The following MAF variants were observed in gnomAD, a reference collection of about 807,000 sequenced individuals.
MAF encodes the protein transcription factor Maf.
Under a neutral mutation model 22.0 loss-of-function variants are expected in MAF, and 10 were observed. The ratio of observed to expected loss-of-function variants is 0.45; its 90% confidence interval spans 0.28 to 0.77. The LOEUF (loss-of-function observed/expected upper bound fraction) is 0.77. MAF is among the 30% of genes least tolerant of loss of function. The pLI, the probability that MAF is intolerant of heterozygous loss-of-function variation, is 0.12. For missense variants in MAF, 544 were observed against 548.4 expected (o/e 0.99, Z 0.08); for synonymous variants, 337 against 255.8 (o/e 1.32, Z -3.03).
At chr16:79,404,050 G>T in the MAF span, among the ~76,000 whole-genome samples, 12 of 152,140 alleles carry the variant, frequency 7.9e-5, no homozygotes, top group East Asian at 2.3e-3. Context: ...AGAATTTGAA[G>T]AAACCCTGTG....
chr16:79,381,946 C>G, the MAF span, among the ~76,000 whole-genome samples: 2 of 152,138 alleles, frequency 1.3e-5, no homozygotes, highest in Admixed American at 1.3e-4. Flanking sequence ...GGCTCAACAG[C>G]CCCCTTTTCC....
chr16:79,472,380 C>A, the MAF span, among the ~76,000 whole-genome samples: 2 of 152,154 alleles, frequency 1.3e-5, no homozygotes, highest in African/African-American at 2.4e-5. Flanking sequence ...GAATGTCCAT[C>A]AACTACTAAA....
chr16:79,278,775 G>A, the MAF span, among the ~76,000 whole-genome samples: 1 of 152,148 alleles, frequency 6.6e-6, no homozygotes, highest in African/African-American at 2.4e-5. Context: ...CTGACAGGGG[G>A]ACAGGAGATG....
chr16:79,327,843 G>A, the MAF span, among the ~76,000 whole-genome samples: 2 of 152,164 alleles, frequency 1.3e-5, no homozygotes, highest in Non-Finnish European at 2.9e-5. Flanking sequence ...ACAGGCATTT[G>A]CAATAACATT....
At chr16:79,580,395 G>C in the MAF span, among the ~76,000 whole-genome samples, 1 of 152,210 alleles carries the variant, frequency 6.6e-6, no homozygotes, top group African/African-American at 2.4e-5. Context: ...ATGCTGACTA[G>C]AATGCCTAGG....
chr16:79,243,239 T>TA, the MAF span, among the ~76,000 whole-genome samples: 15 of 151,726 alleles, frequency 9.9e-5, no homozygotes, highest in South Asian at 1.5e-3. Flanking sequence ...AAAAAACCCT[T>TA]AAAAAAAATC....
chr16:79,562,366 A>G, the MAF span, among the ~76,000 whole-genome samples: 2 of 152,316 alleles, frequency 1.3e-5, no homozygotes, highest in Non-Finnish European at 2.9e-5. Flanking sequence ...TTCTTCATAG[A>G]TGATGTGACC....
At chr16:79,525,687 GT>G in the MAF span, among the ~76,000 whole-genome samples, 1,628 of 152,252 alleles carry the variant, frequency 0.011, 17 homozygotes, top group Non-Finnish European at 0.018. Context: ...CACACCTGGT[GT>G]TTAAAGCCTG....
chr16:79,348,929 G>T, the MAF span, among the ~76,000 whole-genome samples: 1 of 152,166 alleles, frequency 6.6e-6, no homozygotes, highest in Non-Finnish European at 1.5e-5. Context: ...CAAGGCCCTA[G>T]ATCTGGTGAA....
the MAF span, among the ~76,000 whole-genome samples, chr16:79,476,214 G>T: frequency 6.6e-6 from 1 of 152,284 alleles, no homozygotes; most frequent in Middle Eastern, 3.4e-3. Context: ...TGGAGCCAGA[G>T]ATGAGACCCT....
the MAF span, among the ~76,000 whole-genome samples, chr16:79,290,340 C>T: frequency 6.2e-3 from 946 of 152,296 alleles, 3 homozygotes; most frequent in Admixed American, 0.014. Flanking sequence ...ATCATACGGG[C>T]TCTGCGGCAA....
the MAF span, among the ~76,000 whole-genome samples, chr16:79,338,155 A>G: frequency 1.3e-5 from 2 of 152,198 alleles, no homozygotes; most frequent in African/African-American, 4.8e-5. Context: ...TTGCAATCAC[A>G]GTTTGCAACA....
the MAF span, among the ~76,000 whole-genome samples, chr16:79,367,477 C>G: frequency 6.6e-6 from 1 of 152,122 alleles, no homozygotes; most frequent in Non-Finnish European, 1.5e-5. Context: ...GCTTTGAATC[C>G]AAGACATGAC....
the MAF span, among the ~76,000 whole-genome samples, chr16:79,425,513 A>G: frequency 6.6e-6 from 1 of 152,182 alleles, no homozygotes; most frequent in South Asian, 2.1e-4. Context: ...AGTTGAATAA[A>G]GTTCTTCTTT....
chr16:79,278,430 G>T, the MAF span, among the ~76,000 whole-genome samples: 1 of 152,128 alleles, frequency 6.6e-6, no homozygotes, highest in African/African-American at 2.4e-5. Context: ...AACAAACAAG[G>T]TCTCTTCCCA....
the MAF span, among the ~76,000 whole-genome samples, chr16:79,243,679 C>T: frequency 1.3e-5 from 2 of 151,964 alleles, no homozygotes; most frequent in African/African-American, 4.8e-5. Context: ...CTATTTCAAA[C>T]AACAGAAAAA....
At chr16:79,304,645 G>A in the MAF span, among the ~76,000 whole-genome samples, 1 of 152,126 alleles carries the variant, frequency 6.6e-6, no homozygotes, top group African/African-American at 2.4e-5. Context: ...AAAAATGGTG[G>A]TGGGAGTTCT....
the MAF span, among the ~76,000 whole-genome samples, chr16:79,536,805 A>C: frequency 6.6e-6 from 1 of 152,212 alleles, no homozygotes; most frequent in Non-Finnish European, 1.5e-5. Context: ...TAAGTAATCT[A>C]GAGAAAATTT....
At chr16:79,287,330 TC>T in the MAF span, among the ~76,000 whole-genome samples, 2 of 152,156 alleles carry the variant, frequency 1.3e-5, no homozygotes, top group African/African-American at 4.8e-5. Context: ...GAGGAAGCAC[TC>T]CCGGGCCCTC....
Sources: gnomAD v4.1 joint callset for allele counts (sites outside exome capture counted in the v4.1 genomes callset) on GRCh38, gnomAD v4.1.1 for gene constraint, MANE v1.5 for transcripts, NCBI Gene and HGNC (gene_info 2026-07-23, HGNC 2026-07-21) for gene names.